The following SIK3 variants were observed in gnomAD, a reference collection of about 807,000 sequenced individuals.
SIK3 encodes the protein SIK family kinase 3.
Under a neutral mutation model 144.2 loss-of-function variants are expected in SIK3, and 28 were observed. That is an observed-to-expected ratio of 0.19 (90% CI 0.14 to 0.27). SIK3 has a LOEUF of 0.27. Ranked by LOEUF, SIK3 falls within the 10% of genes least tolerant of loss-of-function variation. The pLI, the probability that SIK3 is intolerant of heterozygous loss-of-function variation, is 1.00. For synonymous variants in SIK3, 686 were observed against 676.3 expected (o/e 1.01, Z -0.22); for missense variants, 1,319 against 1,776.0 (o/e 0.74, Z 4.62).
At chr11:116,948,447 T>A (rs190926247) in intron 3 of SIK3, among the ~76,000 whole-genome samples, 13 of 152,114 alleles carry the variant, frequency 8.5e-5, no homozygotes, top group East Asian at 3.9e-4. Flanking sequence ...CCGGCTAATT[T>A]TTTATGTTTA....
chr11:116,847,394 C>T (rs1378650184), intron 23 of SIK3, 82 bp downstream of exon 23: 23 of 1,570,094 alleles, frequency 1.5e-5, no homozygotes, highest in South Asian at 4.5e-5. Flanking sequence ...GCTCTTCCTA[C>T]GAAGAGAGGA....
At chr11:116,980,467 T>G (rs1474509846) in intron 1 of SIK3, among the ~76,000 whole-genome samples, 1 of 152,226 alleles carries the variant, frequency 6.6e-6, no homozygotes, top group Non-Finnish European at 1.5e-5. Flanking sequence ...CAAGGCCTAT[T>G]TTACAATAAA....
chr11:117,034,601 A>C (rs1315359104), intron 1 of SIK3, among the ~76,000 whole-genome samples: 2 of 152,202 alleles, frequency 1.3e-5, no homozygotes, highest in Non-Finnish European at 2.9e-5. Context: ...GGTCTTATAA[A>C]GGCTGTTTCC....
rs559417764 is a variant in SIK3, at chr11:117,050,286, TCA to T, written c.273+47855_273+47856del. 4.7e-5 allele frequency among the ~76,000 whole-genome samples: 7 copies of T among 149,300 alleles called. No individual in the cohort carries two copies. The East Asian group carries it at 5.9e-4, about 13-fold the overall frequency. On this transcript the variant is annotated intron_variant, in intron 1 of 24. Coordinates refer to ENST00000445177, the MANE Select transcript of SIK3 (RefSeq NM_001366686.3). Reference sequence around the variant, plus strand: ...CCTGGGCGACAAGATCAAGACTCCATCACACACACACACACACACAAAAAGAT... The same window carrying T: ...CCTGGGCGACAAGATCAAGACTCCATCACACACACACACACACAAAAAGAT...
intron 3 of SIK3, among the ~76,000 whole-genome samples, chr11:116,953,649 G>A (rs1475578257): frequency 4.6e-5 from 7 of 152,256 alleles, no homozygotes; most frequent in East Asian, 1.9e-4. Context: ...GCACTCGGGT[G>A]AGATTATGTG....
chr11:116,904,215 G>T (rs573409574), intron 4 of SIK3, among the ~76,000 whole-genome samples: 1 of 152,282 alleles, frequency 6.6e-6, no homozygotes, highest in Non-Finnish European at 1.5e-5. Context: ...CCAGGATCTG[G>T]AGAGGCAATG....
chr11:117,068,724 A>C (rs1361835438), intron 1 of SIK3, among the ~76,000 whole-genome samples: 2 of 152,218 alleles, frequency 1.3e-5, no homozygotes, highest in Admixed American at 1.3e-4. Context: ...ACTGCACTCC[A>C]AACTGGGTGA....
chr11:116,972,751 T>A (rs1196675860), intron 1 of SIK3, among the ~76,000 whole-genome samples: 2 of 152,080 alleles, frequency 1.3e-5, no homozygotes, highest in African/African-American at 2.4e-5. Flanking sequence ...ATATTCTGTG[T>A]GACAAACAGA....
intron 1 of SIK3, among the ~76,000 whole-genome samples, chr11:117,005,922 T>C (rs2135644381): frequency 6.6e-6 from 1 of 152,060 alleles, no homozygotes; most frequent in Admixed American, 6.5e-5. Context: ...ATCTCCACTG[T>C]AGGGCTAAAG....
intron 1 of SIK3, among the ~76,000 whole-genome samples, chr11:117,070,152 T>C (rs1031824860): frequency 6.6e-6 from 1 of 152,218 alleles, no homozygotes; most frequent in Non-Finnish European, 1.5e-5. Context: ...TATGCAATGG[T>C]AACCTCAAAT....
chr11:116,907,884 T>C (rs1001203698), intron 4 of SIK3, among the ~76,000 whole-genome samples: 2 of 151,332 alleles, frequency 1.3e-5, no homozygotes, highest in African/African-American at 4.9e-5. Context: ...GTTATTCATA[T>C]GGAAAAAAAT....
At chr11:116,970,297 G>A (rs1949721960) in intron 1 of SIK3, among the ~76,000 whole-genome samples, 1 of 152,090 alleles carries the variant, frequency 6.6e-6, no homozygotes, top group Non-Finnish European at 1.5e-5. Flanking sequence ...AAGAAAGAGA[G>A]TTATCAAGAT....
intron 1 of SIK3, among the ~76,000 whole-genome samples, chr11:116,975,421 T>G (rs1330495260): frequency 6.6e-6 from 1 of 152,112 alleles, no homozygotes; most frequent in Non-Finnish European, 1.5e-5. Context: ...TTCTATAAAT[T>G]TGCCTATACT....
chr11:117,057,826 C>T (rs1953608646), intron 1 of SIK3, among the ~76,000 whole-genome samples: 2 of 152,082 alleles, frequency 1.3e-5, no homozygotes, highest in South Asian at 4.1e-4. Flanking sequence ...ACTTATTTAC[C>T]CACCTATACA....
At chr11:117,046,881 AAAAC>A (rs897737749) in intron 1 of SIK3, among the ~76,000 whole-genome samples, 8 of 152,198 alleles carry the variant, frequency 5.3e-5, no homozygotes, top group Admixed American at 2.0e-4. Context: ...CCCTGTCTTA[AAAAC>A]AAACAAACAA....
chr11:117,066,344 A>G (rs1457795803), intron 1 of SIK3, among the ~76,000 whole-genome samples: 1 of 152,064 alleles, frequency 6.6e-6, no homozygotes, highest in African/African-American at 2.4e-5. Context: ...CTGGGATTAC[A>G]GGCGTGAGCC....
intron 19 of SIK3, among the ~76,000 whole-genome samples, chr11:116,859,973 C>T (rs977294954): frequency 2.0e-5 from 3 of 152,284 alleles, no homozygotes; most frequent in African/African-American, 7.2e-5. Context: ...CTAGGCCGGG[C>T]GTGGTGGCTC....
At chr11:117,038,426 G>A (rs941310729) in intron 1 of SIK3, among the ~76,000 whole-genome samples, 4 of 148,608 alleles carry the variant, frequency 2.7e-5, no homozygotes, top group East Asian at 2.0e-4. Context: ...GTGCAATCTC[G>A]GCTCACCACA....
intron 19 of SIK3, among the ~76,000 whole-genome samples, chr11:116,859,845 C>T (rs2134409792): frequency 6.6e-6 from 1 of 152,258 alleles, no homozygotes; most frequent in Non-Finnish European, 1.5e-5. Flanking sequence ...TTTGTGTTTC[C>T]AACAAGTTCC....
Sources: gnomAD v4.1 joint callset for allele counts (sites outside exome capture counted in the v4.1 genomes callset) on GRCh38, gnomAD v4.1.1 for gene constraint, MANE v1.5 for transcripts, NCBI Gene and HGNC (gene_info 2026-07-23, HGNC 2026-07-21) for gene names.